Variants in ALOX15B observed in about 807,000 individuals in gnomAD.
The protein encoded by ALOX15B is polyunsaturated fatty acid lipoxygenase ALOX15B.
In ALOX15B, 74 loss-of-function variants were observed where a neutral mutation model predicts 73.8. That is an observed-to-expected ratio of 1.00 (90% CI 0.83 to 1.22). ALOX15B has a LOEUF of 1.22. Ranked by LOEUF, ALOX15B falls within the 50% of genes most tolerant of loss-of-function variation. The probability of loss-of-function intolerance (pLI) is 0.00; values close to 1 mark genes in which losing one functional copy is unlikely to be tolerated. For missense variants in ALOX15B, 896 were observed against 859.9 expected, an observed-to-expected ratio of 1.04 and a Z score of -0.52; for synonymous variants, 353 against 357.2, an observed-to-expected ratio of 0.99 and a Z score of 0.13.
intron 7 of ALOX15B, 44 bp downstream of exon 7, chr17:8,045,428 G>C: frequency 6.2e-7 from 1 of 1,613,682 alleles, no homozygotes; most frequent in Non-Finnish European, 8.5e-7. Flanking sequence ...GAAGAGTCAG[G>C]AGAATGGTTG....
In ALOX15B at chr17:8,047,920, G is replaced by T; in HGVS notation, c.1851+5G>T. On this transcript the variant is annotated splice_donor_5th_base_variant and intron_variant, in intron 13 of 13. Transcript: ENST00000380183. ...AGCAAGGAGCCTGGAGACCAAGTGA[G>T]TGTGGGGCTGGGGGCCAGGCTGGGC... 6.2e-7 allele frequency: 1 copy of T among 1,613,838 alleles called. No individual in the cohort carries two copies. Among genetic ancestry groups the T allele is most frequent in the Non-Finnish European group, 8.5e-7 (1 of 1,179,842 alleles).
Position 8,039,192 on chromosome 17 carries a change from G to A in ALOX15B, c.37G>A (p.Ala13Thr), listed in dbSNP as rs1263653177. Reference sequence around the variant, plus strand: ...CAGGGTCAGGGTGTCCACCGGAGAAGCCTTCGGGGCTGGCACATGGGACAA... The same window carrying A: ...CAGGGTCAGGGTGTCCACCGGAGAAACCTTCGGGGCTGGCACATGGGACAA... ...EFRVRVSTGE[A>T]FGAGTWDKVS... The change falls in exon 1 of 14, where the codon GCC becomes ACC. Residue 13 changes from alanine to threonine, a missense_variant. Transcript: ENST00000380183. 2 of 1,613,304 alleles carry A rather than the reference G, an allele frequency of 1.2e-6. No homozygotes were observed. Among genetic ancestry groups the A allele is most frequent in the South Asian group, 1.1e-5 (1 of 90,928 alleles).
In ALOX15B at chr17:8,048,434, C is replaced by T. The variant is rs771462763; in HGVS notation, c.1900C>T (p.Arg634Trp). The T allele has an allele frequency of 1.7e-5, 27 of 1,613,968 alleles. No homozygotes were observed. Among genetic ancestry groups the T allele is most frequent in the African/African-American group, 9.3e-5 (7 of 74,956 alleles). The change falls in exon 14 of 14, where the codon CGG becomes TGG. Residue 634 changes from arginine (R) to tryptophan (W), a missense_variant. By Grantham distance (101) the Arg-to-Trp change is moderately radical. Coordinates refer to ENST00000380183, the MANE Select transcript of ALOX15B (RefSeq NM_001141.3). ...PDEHFTEEAPRRSIATFQSRL... is the reference protein window; with the variant it reads ...PDEHFTEEAPWRSIATFQSRL... ...TGAGCACTTCACAGAGGAGGCCCCT[C>T]GGCGGAGCATCGCCACCTTCCAGAG...
chr17:8,048,630 C>A lies in ALOX15B; in HGVS notation c.*65C>A. 2 of 1,533,522 alleles carry A rather than the reference C, an allele frequency of 1.3e-6. No individual in the cohort carries two copies. Among genetic ancestry groups the A allele is most frequent in the Non-Finnish European group, 1.8e-6 (2 of 1,137,484 alleles). 95.0% of individuals were successfully genotyped at this position (1,533,522 alleles called of 1,614,324 possible). ...CACATCGCTCTAGGATAACTGGCAC[C>A]CAGAGAAAAGGACTCCTCAGAAAAA... On this transcript the variant is annotated 3_prime_UTR_variant, in exon 14 of 14. Coordinates refer to ENST00000380183, the MANE Select transcript of ALOX15B (RefSeq NM_001141.3).
chr17:8,043,059 C>T (rs1976505256), intron 5 of ALOX15B, among the ~76,000 whole-genome samples, 175 bp downstream of exon 5: 1 of 152,158 alleles, frequency 6.6e-6, no homozygotes. Context: ...GGATCCCTGA[C>T]CTTCTAACGC....
intron 11 of ALOX15B, 26 bp downstream of exon 11, chr17:8,047,405 C>T (rs1260417242): frequency 3.1e-6 from 5 of 1,612,584 alleles, no homozygotes; most frequent in African/African-American, 1.3e-5. Flanking sequence ...CCCTCAGGCG[C>T]ATTTGAGTGA....
intron 5 of ALOX15B, among the ~76,000 whole-genome samples, chr17:8,043,539 C>T (rs775030907): frequency 6.6e-6 from 1 of 152,172 alleles, no homozygotes; most frequent in Non-Finnish European, 1.5e-5. Context: ...GCAGGACTTG[C>T]GTCTTTCCTC....
chr17:8,039,504 G>A lies in ALOX15B; in HGVS notation c.266G>A (p.Cys89Tyr), dbSNP rs1261189788. Residue 89 changes from cysteine (C) to tyrosine (Y), a missense_variant, in exon 2 of 14, where the codon TGC becomes TAC. Cys to Tyr is a radical substitution (Grantham distance 194, BLOSUM62 -2). Coordinates refer to ENST00000380183, the MANE Select transcript of ALOX15B (RefSeq NM_001141.3). ...CCCCTGGCCCCGGATGCCTGGTTCTGCCGCTGGTTCCAGCTGACACCGCCG... is the reference window on the plus strand; with the variant it reads ...CCCCTGGCCCCGGATGCCTGGTTCTACCGCTGGTTCCAGCTGACACCGCCG... ...LGPLAPDAWF[C>Y]RWFQLTPPRG... 6.4e-7 allele frequency: 1 copy of A among 1,571,488 alleles called. No homozygotes were observed. Among genetic ancestry groups the A allele is most frequent in the Non-Finnish European group, 8.6e-7 (1 of 1,161,288 alleles).
chr17:8,046,616 G>T, intron 8 of ALOX15B, 52 bp from the exon 9 acceptor site: 1 of 1,568,792 alleles, frequency 6.4e-7, no homozygotes, highest in African/African-American at 1.4e-5. Flanking sequence ...GGAAGGTCTG[G>T]GGCCAGAACA....
At chr17:8,042,655 C>T in intron 4 of ALOX15B, 126 bp from the exon 5 acceptor site, 3 of 1,331,542 alleles carry the variant, frequency 2.3e-6, no homozygotes, top group Admixed American at 4.2e-5. Flanking sequence ...CAACAGCTAC[C>T]TTAGGGGTAG....
At position 8,045,328 on chromosome 17, in the gene ALOX15B, A is replaced by G. The variant is rs372534061; in HGVS notation, c.940A>G (p.Met314Val). The G allele has an allele frequency of 2.4e-5, 39 of 1,614,022 alleles. No homozygotes were observed. The highest frequency in any genetic ancestry group is 3.3e-4 in the Middle Eastern group (2 of 6,084). Residue 314 changes from methionine (M) to valine (V), a missense_variant, in exon 7 of 14, where the codon ATG becomes GTG. Physicochemically the swap from Met to Val is conservative, Grantham distance 21. Transcript: ENST00000380183. ...GAAGCCTCAGTTCTCTGCGGCCCCA[A>G]TGACCCTGCTATACCAGAGCCCAGG... Reference protein sequence around the residue: ...NGKPQFSAAPMTLLYQSPGCG... With the variant: ...NGKPQFSAAPVTLLYQSPGCG...
intron 10 of ALOX15B, 89 bp from the exon 11 acceptor site, chr17:8,047,169 G>A (rs1976632742): frequency 1.2e-6 from 2 of 1,606,820 alleles, no homozygotes; most frequent in Admixed American, 1.7e-5. Flanking sequence ...ACGTTGAGGA[G>A]GAGGGCCAGA....
Position 8,047,892 on chromosome 17 carries a change from CT to C in ALOX15B, c.1829del (p.Leu610ArgfsTer56). On this transcript the variant is annotated frameshift_variant, in exon 13 of 14. Coordinates refer to ENST00000380183, the MANE Select transcript of ALOX15B (RefSeq NM_001141.3). LOFTEE classifies it low-confidence loss of function (END_TRUNC). ...TGATGTCATCCTTGCTCTCTGGTTG[CT>C]GAGCAAGGAGCCTGGAGACCAAGTG... Reference protein sequence around the residue: ...TCDVILALWLLSKEPGDQRPL... With the variant: ...TCDVILALWLXSKEPGDQRPL... 1 of 1,614,168 alleles carries C rather than the reference CT, an allele frequency of 6.2e-7. No homozygotes were observed. The highest frequency in any genetic ancestry group is 8.5e-7 in the Non-Finnish European group (1 of 1,180,022).
At position 8,045,394 on chromosome 17, in the gene ALOX15B, C is replaced by T; in HGVS notation, c.996+10C>T. 1 of 1,613,914 alleles carries T rather than the reference C, an allele frequency of 6.2e-7. No homozygotes were observed. The highest frequency in any genetic ancestry group is 8.5e-7 in the Non-Finnish European group (1 of 1,179,998). On this transcript the variant is annotated intron_variant, in intron 7 of 13. Coordinates refer to ENST00000380183, the MANE Select transcript of ALOX15B (RefSeq NM_001141.3). The stretch of plus-strand genomic sequence containing the variant: ...GCCTCTCGCCATCCAGGTATGCAGT[C>T]AGGCAGGGGCAGGGCAGCGTGAAGA...
chr17:8,046,716 C>A lies in ALOX15B; in HGVS notation c.1249C>A (p.Arg417=), dbSNP rs61730345. The A allele has an allele frequency of 6.9e-4, 1,110 of 1,613,710 alleles. 11 individuals carry two copies. In the African/African-American group the frequency reaches 0.012, roughly 18 times the overall value. ...CACCCTGCACATCAACACACTCGCC[C>A]GGGAGCTGCTTATCGTGCCAGGGCA... ...RYTLHINTLA[R]ELLIVPGQVV... Residue 417 remains arginine (R), a synonymous_variant, in exon 9 of 14, where the codon CGG becomes AGG. Coordinates refer to ENST00000380183, the MANE Select transcript of ALOX15B (RefSeq NM_001141.3).
rs116996734 is a variant in ALOX15B, at chr17:8,045,946, G to A, written c.1200+260G>A. ...CATAGAAGCCCAAATCTTAGGAAGG[G>A]GAAGGACCTGGGGCTGGCAGGTGCC... is the stretch of plus-strand genomic sequence containing the variant. On this transcript the variant is annotated intron_variant, in intron 8 of 13. Coordinates refer to ENST00000380183, the MANE Select transcript of ALOX15B (RefSeq NM_001141.3). Among the ~76,000 whole-genome samples, 59 of 151,982 alleles carry A rather than the reference G, an allele frequency of 3.9e-4. No homozygotes were observed. In the East Asian group the frequency reaches 0.011, roughly 30 times the overall value.
rs1253506560 is a variant in ALOX15B at position 8,045,367 on chromosome 17, C to T, written c.979C>T (p.Leu327=). The change falls in exon 7 of 14, where the codon CTG becomes TTG. Residue 327 remains leucine, a synonymous_variant. Coordinates refer to ENST00000380183, the MANE Select transcript of ALOX15B (RefSeq NM_001141.3). ...LYQSPGCGPL[L]PLAIQLSQTP... ...CCAGAGCCCAGGCTGCGGGCCGCTG[C>T]TGCCTCTCGCCATCCAGGTATGCAG... 3.7e-6 allele frequency: 6 copies of T among 1,614,104 alleles called. No individual in the cohort carries two copies. Among genetic ancestry groups the T allele is most frequent in the Non-Finnish European group, 5.1e-6 (6 of 1,180,026 alleles).
intron 3 of ALOX15B, among the ~76,000 whole-genome samples, chr17:8,040,403 G>T (rs1037139103): frequency 2.0e-5 from 3 of 151,830 alleles, no homozygotes; most frequent in Non-Finnish European, 4.4e-5. Context: ...AAATCAGCTG[G>T]GTAGGGTGGC....
Position 8,047,554 on chromosome 17 carries a change from C to G in ALOX15B, c.1580-10C>G. On this transcript the variant is annotated splice_polypyrimidine_tract_variant and intron_variant, in intron 11 of 13. Transcript: ENST00000380183. Reference sequence around the variant, plus strand: ...CTGGAAGCCCCATCCCAGCCCAGCTCTCCTTGCAGGTATACCCTCCTCACT... The same window carrying G: ...CTGGAAGCCCCATCCCAGCCCAGCTGTCCTTGCAGGTATACCCTCCTCACT... 6.3e-7 allele frequency: 1 copy of G among 1,593,178 alleles called. No individual in the cohort carries two copies. The highest frequency in any genetic ancestry group is 8.6e-7 in the Non-Finnish European group (1 of 1,169,416).
Sources: gnomAD v4.1 joint callset for allele counts (sites outside exome capture counted in the v4.1 genomes callset) on GRCh38, gnomAD v4.1.1 for gene constraint, MANE v1.5 for transcripts, NCBI Gene and HGNC (gene_info 2026-07-23, HGNC 2026-07-21) for gene names.